POLR3B: variants seen among roughly 807,000 people sequenced by gnomAD.
The protein encoded by POLR3B is RNA polymerase III subunit B, also known as DNA-directed RNA polymerase III subunit RPC2.
A neutral mutation model predicts 147.4 loss-of-function variants in POLR3B; 96 were observed. The ratio of observed to expected loss-of-function variants is 0.65; its 90% CI spans 0.55 to 0.77. The LOEUF (loss-of-function observed/expected upper bound fraction) is 0.77, where lower values mean the gene tolerates loss of function less well. POLR3B is among the 30% of genes least tolerant of loss of function. The pLI is 0.00. For missense variants in POLR3B, 1,036 were observed against 1,413.5 expected, an observed-to-expected ratio of 0.73 and a Z score of 4.28; for synonymous variants, 461 against 485.9, an observed-to-expected ratio of 0.95 and a Z score of 0.67.
intron 11 of POLR3B, among the ~76,000 whole-genome samples, chr12:106,408,282 G>A (rs1014983152): frequency 4.6e-5 from 7 of 152,120 alleles, no homozygotes; most frequent in Admixed American, 6.5e-5. Flanking sequence ...GGAAAAACAC[G>A]GGCAGATATT....
chr12:106,373,318 T>A (rs2036634767), intron 6 of POLR3B, among the ~76,000 whole-genome samples: 1 of 152,252 alleles, frequency 6.6e-6, no homozygotes, highest in Admixed American at 6.5e-5. Context: ...AAACTGAACC[T>A]TTGATGATTG....
At chr12:106,431,019 T>C (rs1296434385) in intron 14 of POLR3B, among the ~76,000 whole-genome samples, 5 of 152,234 alleles carry the variant, frequency 3.3e-5, no homozygotes, top group Non-Finnish European at 5.9e-5. Context: ...TCCTTTGTGT[T>C]AACATTGTTA....
chr12:106,441,965 A>C (rs1593043518), intron 18 of POLR3B, among the ~76,000 whole-genome samples: 2 of 152,174 alleles, frequency 1.3e-5, no homozygotes, highest in East Asian at 3.9e-4. Flanking sequence ...CTGTAATCCC[A>C]GCTACTCCGG....
chr12:106,503,567 G>A (rs2137088091), intron 26 of POLR3B, among the ~76,000 whole-genome samples: 1 of 152,310 alleles, frequency 6.6e-6, no homozygotes, highest in African/African-American at 2.4e-5. Flanking sequence ...CTCAAGCCCA[G>A]CATATAAACC....
chr12:106,419,784 T>C (rs1018124075), intron 12 of POLR3B, among the ~76,000 whole-genome samples: 1 of 137,162 alleles, frequency 7.3e-6, no homozygotes, highest in Admixed American at 8.2e-5. Flanking sequence ...GAGCCAGATA[T>C]TTAGTTTTGC....
intron 9 of POLR3B, among the ~76,000 whole-genome samples, chr12:106,390,703 C>A (rs79474882): frequency 6.3e-3 from 727 of 116,060 alleles, no homozygotes; most frequent in South Asian, 9.3e-3. Context: ...AACTTGTTTG[C>A]AAAAAAAAAA....
At chr12:106,382,230 C>G (rs1377326161) in intron 9 of POLR3B, among the ~76,000 whole-genome samples, 1 of 152,202 alleles carries the variant, frequency 6.6e-6, no homozygotes, top group African/African-American at 2.4e-5. Context: ...GGTCGAACAC[C>G]TCTGACATAT....
At chr12:106,385,602 A>G (rs1477071589) in intron 9 of POLR3B, among the ~76,000 whole-genome samples, 2 of 152,202 alleles carry the variant, frequency 1.3e-5, no homozygotes, top group Non-Finnish European at 2.9e-5. Flanking sequence ...TAAAGTTGTA[A>G]TCAGGTGACA....
chr12:106,413,144 C>A (rs1468321345), intron 12 of POLR3B, among the ~76,000 whole-genome samples: 1 of 151,888 alleles, frequency 6.6e-6, no homozygotes, highest in Non-Finnish European at 1.5e-5. Context: ...TGAAAGAGTC[C>A]TATTTGTCTA....
intron 12 of POLR3B, among the ~76,000 whole-genome samples, chr12:106,413,115 G>A (rs1257917149): frequency 1.3e-5 from 2 of 151,908 alleles, no homozygotes; most frequent in Non-Finnish European, 2.9e-5. Flanking sequence ...GTCTTTTGAT[G>A]TACAACAGTT....
At chr12:106,392,042 T>C (rs1336832051) in intron 9 of POLR3B, among the ~76,000 whole-genome samples, 1 of 152,186 alleles carries the variant, frequency 6.6e-6, no homozygotes, top group Non-Finnish European at 1.5e-5. Flanking sequence ...TCCAGGCAAA[T>C]GTGTGAAGGA....
chr12:106,467,508 A>G (rs1237814278), intron 23 of POLR3B, among the ~76,000 whole-genome samples: 2 of 152,206 alleles, frequency 1.3e-5, no homozygotes, highest in Non-Finnish European at 2.9e-5. Context: ...GAGTGGTGAG[A>G]GAGGGCATCC....
chr12:106,459,132 T>C (rs2037902656), intron 21 of POLR3B, 119 bp from the exon 22 acceptor site: 4 of 725,758 alleles, frequency 5.5e-6, no homozygotes, highest in South Asian at 4.2e-5. Flanking sequence ...CAAGCAGTCC[T>C]CCTACCGCAG....
rs1345994898 is a variant in POLR3B at position 106,430,381 on chromosome 12, C to T, written c.1372C>T (p.Gln458Ter). Residue 458 changes from glutamine (Q) to a stop codon, truncating the protein, a stop_gained, in exon 14 of 28, where the codon CAG becomes TAG. Coordinates refer to ENST00000228347, the MANE Select transcript of POLR3B (RefSeq NM_018082.6). LOFTEE classifies it high-confidence loss of function. ...ALGMMTRISS[Q>*]FEKTRKVSGP... ...GGGCATGATGACAAGAATCTCTTCC[C>T]AGTTTGAAAAAACGAGAAAAGTGAG... is the stretch of plus-strand genomic sequence containing the variant. 2 of 1,614,006 alleles carry T rather than the reference C, an allele frequency of 1.2e-6. No individual in the cohort carries two copies. The highest frequency in any genetic ancestry group is 1.3e-5 in the African/African-American group (1 of 75,028).
chr12:106,434,712 C>G (rs1038547302), intron 16 of POLR3B, among the ~76,000 whole-genome samples: 2 of 152,076 alleles, frequency 1.3e-5, no homozygotes, highest in African/African-American at 4.8e-5. Flanking sequence ...TGTTGAAGCA[C>G]AAGGCAGTGA....
intron 23 of POLR3B, among the ~76,000 whole-genome samples, chr12:106,489,580 G>A (rs1264935091): frequency 6.6e-6 from 1 of 152,158 alleles, no homozygotes; most frequent in Non-Finnish European, 1.5e-5. Flanking sequence ...TTTTACAGTA[G>A]ATATAAAGAG....
At chr12:106,444,708 C>G (rs182321026) in intron 19 of POLR3B, 118 bp downstream of exon 19, 78 of 1,077,376 alleles carry the variant, frequency 7.2e-5, no homozygotes, top group Non-Finnish European at 1.0e-4. Context: ...ACTGGGAACA[C>G]CTGAGGGTTA....
intron 25 of POLR3B, among the ~76,000 whole-genome samples, chr12:106,498,089 C>G (rs778344636): frequency 2.6e-5 from 4 of 152,230 alleles, no homozygotes; most frequent in Non-Finnish European, 5.9e-5. Context: ...GTACATATAG[C>G]TCTCACCAAA....
chr12:106,447,604 C>T (rs1004736044), intron 19 of POLR3B, among the ~76,000 whole-genome samples: 1 of 152,166 alleles, frequency 6.6e-6, no homozygotes, highest in Non-Finnish European at 1.5e-5. Context: ...GTGTTGGAGC[C>T]GCATTTTGTG....
Sources: gnomAD v4.1 joint callset for allele counts (sites outside exome capture counted in the v4.1 genomes callset) on GRCh38, gnomAD v4.1.1 for gene constraint, MANE v1.5 for transcripts, NCBI Gene and HGNC (gene_info 2026-07-23, HGNC 2026-07-21) for gene names.